Variants in GABRG3 observed in about 807,000 individuals in gnomAD.
The protein encoded by GABRG3 is gamma-aminobutyric acid type A receptor subunit gamma3, also known as gamma-aminobutyric acid receptor subunit gamma-3.
A neutral mutation model predicts 48.8 loss-of-function variants in GABRG3; 25 were observed. The ratio of observed to expected loss-of-function variants is 0.51; its 90% CI spans 0.37 to 0.72. The LOEUF is 0.72. GABRG3 is among the 30% of genes least tolerant of loss of function. GABRG3 has a pLI of 0.00. For synonymous variants in GABRG3, 227 were observed against 217.6 expected, an observed-to-expected ratio of 1.04 and a Z score of -0.38; for missense variants, 394 against 577.9, an observed-to-expected ratio of 0.68 and a Z score of 3.26.
chr15:27,046,103 A>AT lies in GABRG3; in HGVS notation c.270+19289dup, dbSNP rs202060819. On this transcript the variant is annotated intron_variant, in intron 3 of 9. Transcript: ENST00000615808. ...CTTCTTTTTCTTTTTTTTCTTTTTTATTTTTTTGAGATGGAGTTTCACTCT... is the reference window on the plus strand; with the variant it reads ...CTTCTTTTTCTTTTTTTTCTTTTTTATTTTTTTTGAGATGGAGTTTCACTCT... Among the ~76,000 whole-genome samples the AT allele has an allele frequency of 7.3e-3, 1,106 of 151,256 alleles. 13 individuals carry two copies. Among genetic ancestry groups the AT allele is most frequent in the Admixed American group, 0.013 (190 of 15,186 alleles).
chr15:27,013,658 T>C (rs1895727959), intron 2 of GABRG3, among the ~76,000 whole-genome samples: 2 of 152,104 alleles, frequency 1.3e-5, no homozygotes, highest in Non-Finnish European at 2.9e-5. Context: ...GGCATCATTG[T>C]TGAAATTCAT....
At chr15:27,474,895 G>C (rs769669421) in intron 5 of GABRG3, among the ~76,000 whole-genome samples, 1 of 152,024 alleles carries the variant, frequency 6.6e-6, no homozygotes, top group Non-Finnish European at 1.5e-5. Context: ...ACTTTGGGAG[G>C]CTGAGGCAGG....
At chr15:27,496,537 T>C (rs1890491699) in intron 6 of GABRG3, among the ~76,000 whole-genome samples, 1 of 152,190 alleles carries the variant, frequency 6.6e-6, no homozygotes, top group South Asian at 2.1e-4. Context: ...AGGGAAATAA[T>C]CTTCATGTCT....
At chr15:27,517,550 T>C (rs530535660) in intron 6 of GABRG3, among the ~76,000 whole-genome samples, 1 of 152,336 alleles carries the variant, frequency 6.6e-6, no homozygotes, top group South Asian at 2.1e-4. Flanking sequence ...ATTGTGCGTC[T>C]TGTCTGGAGT....
intron 2 of GABRG3, among the ~76,000 whole-genome samples, chr15:26,987,517 A>G (rs1895174117): frequency 6.6e-6 from 1 of 152,198 alleles, no homozygotes; most frequent in African/African-American, 2.4e-5. Context: ...TGTAAACGCA[A>G]GATCATAGTT....
intron 6 of GABRG3, among the ~76,000 whole-genome samples, chr15:27,485,014 C>G (rs1019928822): frequency 1.3e-5 from 2 of 152,152 alleles, no homozygotes; most frequent in African/African-American, 4.8e-5. Flanking sequence ...GGCATAGCCC[C>G]CACTCTTTAA....
intron 3 of GABRG3, among the ~76,000 whole-genome samples, chr15:27,260,539 A>C (rs986308028): frequency 6.6e-6 from 1 of 152,134 alleles, no homozygotes; most frequent in Admixed American, 6.6e-5. Flanking sequence ...ATCGTAAATA[A>C]AAAATATTTA....
intron 6 of GABRG3, among the ~76,000 whole-genome samples, chr15:27,508,827 C>T (rs745935136): frequency 1.3e-5 from 2 of 152,154 alleles, no homozygotes; most frequent in Non-Finnish European, 2.9e-5. Context: ...CATTCTCTCA[C>T]CCCAGCCTCC....
chr15:27,166,015 C>T (rs1035333057), intron 3 of GABRG3, among the ~76,000 whole-genome samples: 2 of 152,026 alleles, frequency 1.3e-5, no homozygotes, highest in Non-Finnish European at 2.9e-5. Context: ...TGGGATGCAG[C>T]GAACCAGCAC....
At chr15:27,269,275 C>G (rs1181362253) in intron 3 of GABRG3, among the ~76,000 whole-genome samples, 1 of 152,152 alleles carries the variant, frequency 6.6e-6, no homozygotes, top group Non-Finnish European at 1.5e-5. Flanking sequence ...GTAACCAATA[C>G]TTTTTTAAAA....
rs189974411 is a variant in GABRG3, at chr15:27,148,476, G to A, written c.270+121655G>A. On this transcript the variant is annotated intron_variant, in intron 3 of 9. Coordinates refer to ENST00000615808, the MANE Select transcript of GABRG3 (RefSeq NM_033223.5). The stretch of plus-strand genomic sequence containing the variant: ...GCTTTTCCTAAAAATTGAAGAGAAA[G>A]GAATGCTTCCAAGCTCATTCTATGA... Among the ~76,000 whole-genome samples the A allele has an allele frequency of 2.2e-3, 336 of 152,016 alleles. 2 individuals are homozygous for A. Among genetic ancestry groups the A allele is most frequent in the Non-Finnish European group, 3.9e-3 (266 of 67,862 alleles).
chr15:27,313,796 T>C (rs1893113699), intron 3 of GABRG3, among the ~76,000 whole-genome samples: 1 of 152,000 alleles, frequency 6.6e-6, no homozygotes, highest in South Asian at 2.1e-4. Flanking sequence ...AAGCATAACA[T>C]ACCAATACTT....
intron 5 of GABRG3, among the ~76,000 whole-genome samples, chr15:27,425,387 G>A (rs924216342): frequency 3.3e-5 from 5 of 150,802 alleles, no homozygotes; most frequent in Admixed American, 6.6e-5. Flanking sequence ...GGCGGATCAC[G>A]AGGTCAGGAG....
rs1314703082 is a variant in GABRG3 at position 27,533,387 on chromosome 15, C to G, written c.*506C>G. ...TGTGAACAGCAGTGGGTTCCAACCC[C>G]AGTCTCCTTTCTCTGTGGCCTCTCT... On this transcript the variant is annotated 3_prime_UTR_variant, in exon 10 of 10. Coordinates refer to ENST00000615808, the MANE Select transcript of GABRG3 (RefSeq NM_033223.5). 1 of 154,840 alleles carries G rather than the reference C, an allele frequency of 6.5e-6. No individual in the cohort carries two copies. Among genetic ancestry groups the G allele is most frequent in the Non-Finnish European group, 1.4e-5 (1 of 69,950 alleles). 9.6% of individuals were successfully genotyped at this position (154,840 alleles called of 1,614,324 possible).
At chr15:27,366,657 C>T (rs1343863904) in intron 5 of GABRG3, among the ~76,000 whole-genome samples, 2 of 152,080 alleles carry the variant, frequency 1.3e-5, no homozygotes, top group Non-Finnish European at 2.9e-5. Context: ...TGAGAGGAGT[C>T]CTGGTCCTCT....
chr15:27,423,237 T>A, intron 5 of GABRG3, among the ~76,000 whole-genome samples: 1 of 111,884 alleles, frequency 8.9e-6, no homozygotes, highest in Non-Finnish European at 1.8e-5. Flanking sequence ...AAAAAGTCAT[T>A]ATGATAAAAA....
chr15:27,312,267 TAAG>T (rs1376261392), intron 3 of GABRG3, among the ~76,000 whole-genome samples: 3 of 151,382 alleles, frequency 2.0e-5, no homozygotes, highest in African/African-American at 7.3e-5. Context: ...GGAGCAAAAA[TAAG>T]AAAAGAATAA....
In GABRG3 at chr15:27,180,158, G is replaced by T. The variant is rs1887882055; in HGVS notation, c.271-146651G>T. ...CAAAGAAGTTGTCCAGGCCCGGGGG[G>T]TGAGATACATAAATTGAGCCTGCCC... On this transcript the variant is annotated intron_variant, in intron 3 of 9. Coordinates refer to ENST00000615808, the MANE Select transcript of GABRG3 (RefSeq NM_033223.5). This position sits in a 1 kb window ranked among gnomAD's most constrained non-coding sequence, Gnocchi z 4.2. Among the ~76,000 whole-genome samples, 1 of 152,152 alleles carries T rather than the reference G, an allele frequency of 6.6e-6. No homozygotes were observed. The highest frequency in any genetic ancestry group is 2.4e-5 in the African/African-American group (1 of 41,418).
chr15:27,092,258 C>G (rs920194397), intron 3 of GABRG3, among the ~76,000 whole-genome samples: 2 of 152,176 alleles, frequency 1.3e-5, no homozygotes, highest in Non-Finnish European at 2.9e-5. Context: ...TCTGACAGAA[C>G]TGGGGAATCT....
Sources: gnomAD v4.1 joint callset for allele counts (sites outside exome capture counted in the v4.1 genomes callset) on GRCh38, gnomAD v4.1.1 for gene constraint, Gnocchi (gnomAD v3.1) non-coding constraint, MANE v1.5 for transcripts, NCBI Gene and HGNC (gene_info 2026-07-23, HGNC 2026-07-21) for gene names.